SLMAP: variants seen among roughly 807,000 people sequenced by gnomAD.
The protein encoded by SLMAP is sarcolemmal membrane-associated protein.
A neutral mutation model predicts 128.8 loss-of-function variants in SLMAP; 44 were observed. That is an observed-to-expected ratio of 0.34 (90% CI 0.27 to 0.44). The LOEUF (loss-of-function observed/expected upper bound fraction) is 0.44, where lower values mean the gene tolerates loss of function less well. Ranked by LOEUF, SLMAP falls within the 20% of genes least tolerant of loss-of-function variation. The probability of loss-of-function intolerance (pLI) is 1.00; values close to 1 mark genes in which losing one functional copy is unlikely to be tolerated. For synonymous variants in SLMAP, 327 were observed against 348.8 expected (o/e 0.94, Z 0.70); for missense variants, 787 against 985.3 (o/e 0.80, Z 2.69).
rs373950062 is a variant in SLMAP at position 57,896,853 on chromosome 3, T to A, written c.1442-20T>A. 250 of 1,584,386 alleles carry A rather than the reference T, an allele frequency of 1.6e-4. 1 individual carries two copies. Among genetic ancestry groups the A allele is most frequent in the Non-Finnish European group, 2.0e-4 (236 of 1,170,504 alleles). The stretch of plus-strand genomic sequence containing the variant: ...TGAATACTGTCTGTAATTATATATG[T>A]ATTTTTTTCCTCTCTGTAGACGCCC... On this transcript the variant is annotated intron_variant, in intron 16 of 24. Coordinates refer to ENST00000671191, the MANE Select transcript of SLMAP (RefSeq NM_001377540.1).
chr3:57,876,551 TC>T (rs1255717113), intron 14 of SLMAP, among the ~76,000 whole-genome samples: 4 of 152,240 alleles, frequency 2.6e-5, no homozygotes, highest in Non-Finnish European at 4.4e-5. Flanking sequence ...AGCAATATTT[TC>T]CTCTTCAGGG....
At chr3:57,818,217 G>A (rs757462461) in intron 2 of SLMAP, among the ~76,000 whole-genome samples, 7 of 151,968 alleles carry the variant, frequency 4.6e-5, no homozygotes, top group South Asian at 2.1e-4. Flanking sequence ...GTGCAGTGGC[G>A]CAATCTTGGC....
intron 17 of SLMAP, among the ~76,000 whole-genome samples, chr3:57,905,718 G>T (rs1333548564): frequency 6.6e-6 from 1 of 152,118 alleles, no homozygotes; most frequent in Non-Finnish European, 1.5e-5. Flanking sequence ...AGAATTAATA[G>T]CCAGTGCTTT....
At chr3:57,762,381 A>T (rs1268265292) in intron 2 of SLMAP, among the ~76,000 whole-genome samples, 1 of 152,150 alleles carries the variant, frequency 6.6e-6, no homozygotes, top group Non-Finnish European at 1.5e-5. Flanking sequence ...AAAAAAAAAA[A>T]AAGTTGGAAG....
At chr3:57,764,800 C>T (rs551038409) in intron 2 of SLMAP, among the ~76,000 whole-genome samples, 1 of 152,122 alleles carries the variant, frequency 6.6e-6, no homozygotes, top group Non-Finnish European at 1.5e-5. Context: ...AAGCTCATAA[C>T]CACTGTGCTA....
At chr3:57,805,319 C>T (rs964767863) in intron 2 of SLMAP, among the ~76,000 whole-genome samples, 1 of 151,830 alleles carries the variant, frequency 6.6e-6, no homozygotes, top group Non-Finnish European at 1.5e-5. Flanking sequence ...TATATTGAAC[C>T]CTGGAGTCTG....
chr3:57,804,744 C>CA (rs2089438038), intron 2 of SLMAP, among the ~76,000 whole-genome samples: 4 of 151,546 alleles, frequency 2.6e-5, no homozygotes, highest in Non-Finnish European at 5.9e-5. Context: ...AGCCCTGAAT[C>CA]AAAAAAATAA....
intron 2 of SLMAP, among the ~76,000 whole-genome samples, chr3:57,824,901 A>G (rs1378457314): frequency 1.3e-5 from 2 of 152,164 alleles, no homozygotes; most frequent in African/African-American, 2.4e-5. Flanking sequence ...GGACATCTTT[A>G]TATTTATTTA....
chr3:57,927,249 A>G, intron 24 of SLMAP, 47 bp from the exon 25 acceptor site: 1 of 1,287,874 alleles, frequency 7.8e-7, no homozygotes, highest in African/African-American at 1.5e-5. Context: ...TAGGTATGAA[A>G]AGAGAGGGGA....
rs2094874253 is a variant in SLMAP at position 57,857,991 on chromosome 3, G to A, written c.616-97G>A. ...TACAGTGGATGCTGGTCAGTTTTACGCTTTTATATCTTTTGTTGTCAGTAG... is the reference window on the plus strand; with the variant it reads ...TACAGTGGATGCTGGTCAGTTTTACACTTTTATATCTTTTGTTGTCAGTAG... On this transcript the variant is annotated intron_variant, in intron 7 of 24. Transcript: ENST00000671191. 9.5e-6 allele frequency: 9 copies of A among 949,560 alleles called. No individual in the cohort carries two copies. In the Admixed American group the frequency reaches 1.0e-4, roughly 11 times the overall value. The allele number at this position is 949,560 out of a possible 1,614,324, so 58.8% of individuals were successfully genotyped here. A position where few individuals can be genotyped will look rare whatever the true frequency, so the allele number is the denominator to read the frequency against.
chr3:57,866,074 G>A (rs983181993), intron 13 of SLMAP, among the ~76,000 whole-genome samples: 1 of 152,178 alleles, frequency 6.6e-6, no homozygotes, highest in African/African-American at 2.4e-5. Context: ...ACAGAAGTTA[G>A]TCGAAGATAT....
intron 2 of SLMAP, among the ~76,000 whole-genome samples, chr3:57,780,445 T>G (rs2153458841): frequency 6.6e-6 from 1 of 152,152 alleles, no homozygotes; most frequent in South Asian, 2.1e-4. Context: ...ATGCCCAGCT[T>G]CAACACTATT....
intron 2 of SLMAP, among the ~76,000 whole-genome samples, chr3:57,827,458 G>A (rs1187789537): frequency 6.6e-6 from 1 of 152,224 alleles, no homozygotes; most frequent in African/African-American, 2.4e-5. Flanking sequence ...AAAAGTGACT[G>A]ATGAGACAGG....
At chr3:57,866,874 C>CA (rs879765331) in intron 13 of SLMAP, among the ~76,000 whole-genome samples, 2,012 of 138,330 alleles carry the variant, frequency 0.015, 31 homozygotes, top group African/African-American at 0.048. Flanking sequence ...GACCCTGTCT[C>CA]AAAAAAAAAA....
At chr3:57,893,786 A>G (rs1049542662) in intron 15 of SLMAP, among the ~76,000 whole-genome samples, 1 of 152,070 alleles carries the variant, frequency 6.6e-6, no homozygotes, top group African/African-American at 2.4e-5. Flanking sequence ...CGAAACTAGA[A>G]CATTCAGAAA....
intron 2 of SLMAP, among the ~76,000 whole-genome samples, chr3:57,764,857 G>A (rs190703712): frequency 1.6e-4 from 24 of 152,296 alleles, no homozygotes; most frequent in African/African-American, 5.5e-4. Context: ...TTTTGTGAGG[G>A]CATAGACCAG....
intron 2 of SLMAP, among the ~76,000 whole-genome samples, chr3:57,811,273 T>TCCCTCCAGTCCCTG (rs1302590085): frequency 6.6e-6 from 1 of 152,264 alleles, no homozygotes; most frequent in Admixed American, 6.5e-5. Context: ...CCTGCCAGAC[T>TCCCTCCAGTCCCTG]CCATTCTTTC....
intron 2 of SLMAP, among the ~76,000 whole-genome samples, chr3:57,778,197 C>T (rs1285998030): frequency 6.6e-6 from 1 of 151,992 alleles, no homozygotes; most frequent in Non-Finnish European, 1.5e-5. Flanking sequence ...TCTATTTTTT[C>T]TTGAGTTAAC....
chr3:57,858,052 C>T (rs761071619), intron 7 of SLMAP, 36 bp from the exon 8 acceptor site: 1 of 1,295,738 alleles, frequency 7.7e-7, no homozygotes, highest in South Asian at 1.2e-5. Flanking sequence ...TTTATAATTA[C>T]TCGGGTTTTA....
Sources: allele counts gnomAD v4.1 joint callset (sites outside exome capture counted in the v4.1 genomes callset), GRCh38; gene constraint gnomAD v4.1.1; transcripts MANE v1.5; gene names NCBI Gene and HGNC (gene_info 2026-07-23, HGNC 2026-07-21).